TMEM117: variants seen among roughly 807,000 people sequenced by gnomAD.
The protein encoded by TMEM117 is transmembrane protein 117.
A neutral mutation model predicts 52.4 loss-of-function variants in TMEM117; 27 were observed. The ratio of observed to expected loss-of-function variants is 0.51; its 90% CI spans 0.38 to 0.71. The LOEUF is 0.71. Among genes scored for constraint, TMEM117 ranks in the 30% least tolerant of loss-of-function variants. TMEM117 has a pLI of 0.00. For missense variants in TMEM117, 556 were observed against 630.5 expected (o/e 0.88, Z 1.26); for synonymous variants, 215 against 206.3 (o/e 1.04, Z -0.36).
chr12:43,943,072 G>T (rs1215291209), intron 2 of TMEM117, among the ~76,000 whole-genome samples: 1 of 151,410 alleles, frequency 6.6e-6, no homozygotes, highest in African/African-American at 2.4e-5. Flanking sequence ...CAGTTACCTG[G>T]GAGGCTGAGG....
intron 3 of TMEM117, among the ~76,000 whole-genome samples, chr12:44,016,083 C>T (rs1246912327): frequency 2.0e-5 from 3 of 152,038 alleles, no homozygotes; most frequent in Non-Finnish European, 4.4e-5. Context: ...ATAGCACTAC[C>T]CCCTCCTCCC....
intron 3 of TMEM117, among the ~76,000 whole-genome samples, chr12:43,951,059 G>A (rs994364927): frequency 1.3e-5 from 2 of 152,148 alleles, no homozygotes; most frequent in African/African-American, 4.8e-5. Context: ...CCAGAGGAGT[G>A]GGGGGACCTC....
intron 7 of TMEM117, among the ~76,000 whole-genome samples, chr12:44,380,602 C>G (rs1952006785): frequency 1.3e-5 from 2 of 152,180 alleles, no homozygotes; most frequent in Non-Finnish European, 2.9e-5. Flanking sequence ...CCTTCAGAGA[C>G]TCAGTTTCTC....
Position 43,854,768 on chromosome 12 carries a change from C to A in TMEM117, c.277+9840C>A, listed in dbSNP as rs1215057072. The stretch of plus-strand genomic sequence containing the variant: ...TCTCCTGCCTCAGCCTCCTGAGTAG[C>A]TGGTATTACAGGTGTCCACCACCAC... On this transcript the variant is annotated intron_variant, in intron 2 of 7. Transcript: ENST00000266534. Among the ~76,000 whole-genome samples the A allele has an allele frequency of 3.9e-5, 6 of 152,008 alleles. 1 individual carries two copies. The East Asian group carries it at 1.2e-3, about 29-fold the overall frequency.
At chr12:44,308,167 TA>T (rs1171360278) in intron 6 of TMEM117, among the ~76,000 whole-genome samples, 1 of 152,192 alleles carries the variant, frequency 6.6e-6, no homozygotes, top group African/African-American at 2.4e-5. Flanking sequence ...GTCCCTGGGG[TA>T]TTCGTTTAAA....
At chr12:43,799,528 CAGTAATTCTCT>C in the TMEM117 span, 34 of 1,324,424 alleles carry the variant, frequency 2.6e-5, no homozygotes, top group Non-Finnish European at 3.4e-5. Flanking sequence ...AGACTATAAT[CAGTAATTCTCT>C]AGAAGTAAAA....
At chr12:44,216,756 G>A (rs1215993370) in intron 5 of TMEM117, among the ~76,000 whole-genome samples, 3 of 152,144 alleles carry the variant, frequency 2.0e-5, no homozygotes, top group Admixed American at 2.0e-4. Context: ...TTCATAGTGT[G>A]TTGCTGTGTG....
At chr12:43,939,524 G>C (rs1481315404) in intron 2 of TMEM117, among the ~76,000 whole-genome samples, 1 of 152,096 alleles carries the variant, frequency 6.6e-6, no homozygotes, top group African/African-American at 2.4e-5. Context: ...TTTTATAGGA[G>C]TTCCAGGGCT....
chr12:44,315,123 C>T (rs1269882900), intron 6 of TMEM117, among the ~76,000 whole-genome samples: 2 of 152,050 alleles, frequency 1.3e-5, no homozygotes, highest in Non-Finnish European at 2.9e-5. Context: ...TTTCAAATTG[C>T]ACTTTTTTGG....
At chr12:44,211,419 C>A in intron 5 of TMEM117, 32 bp downstream of exon 5, 1 of 1,493,718 alleles carries the variant, frequency 6.7e-7, no homozygotes, top group South Asian at 1.2e-5. Context: ...TTATTTCTGC[C>A]TTGCCTCATT....
intron 6 of TMEM117, among the ~76,000 whole-genome samples, chr12:44,359,526 G>A (rs563623481): frequency 2.6e-5 from 4 of 151,944 alleles, no homozygotes; most frequent in South Asian, 2.1e-4. Flanking sequence ...CTGAGTAGCC[G>A]TATAATTTTC....
chr12:44,168,625 A>AT (rs1208353810), intron 4 of TMEM117, among the ~76,000 whole-genome samples: 3 of 151,938 alleles, frequency 2.0e-5, no homozygotes, highest in Non-Finnish European at 4.4e-5. Context: ...AGCTTTTTTG[A>AT]TTTTTTCATG....
intron 6 of TMEM117, among the ~76,000 whole-genome samples, chr12:44,367,086 C>A (rs1728223653): frequency 6.6e-6 from 1 of 152,126 alleles, no homozygotes; most frequent in Non-Finnish European, 1.5e-5. Flanking sequence ...GTCCTCTGTT[C>A]TACCAAAATT....
At chr12:44,387,612 A>G (rs115455142) in intron 7 of TMEM117, among the ~76,000 whole-genome samples, 2,257 of 152,260 alleles carry the variant, frequency 0.015, 60 homozygotes, top group African/African-American at 0.052. Context: ...TTGCCCAGAC[A>G]TAATTATAAA....
At chr12:44,050,306 A>C (rs1946950234) in intron 3 of TMEM117, among the ~76,000 whole-genome samples, 2 of 152,086 alleles carry the variant, frequency 1.3e-5, no homozygotes, top group Admixed American at 1.3e-4. Flanking sequence ...CCTCCCAAGT[A>C]GCTGGGATTA....
rs527505596 is a variant in TMEM117 at position 43,882,926 on chromosome 12, C to T, written c.277+37998C>T. Among the ~76,000 whole-genome samples, 40 of 152,272 alleles carry T rather than the reference C, an allele frequency of 2.6e-4. 3 individuals carry two copies. The South Asian group carries it at 8.3e-3, about 32-fold the overall frequency. The stretch of plus-strand genomic sequence containing the variant: ...AGCATCTTTTATAATTGAAGCTCAT[C>T]TCAGTTCTGGGACTTATTTTTCTTA... On this transcript the variant is annotated intron_variant, in intron 2 of 7. Transcript: ENST00000266534.
At chr12:43,908,740 C>A (rs12299151) in intron 2 of TMEM117, among the ~76,000 whole-genome samples, 1 of 151,890 alleles carries the variant, frequency 6.6e-6, no homozygotes, top group Admixed American at 6.6e-5. Flanking sequence ...AAGATCAAAA[C>A]AGACAAAGAA....
At chr12:43,995,219 C>T (rs927254827) in intron 3 of TMEM117, among the ~76,000 whole-genome samples, 2 of 150,732 alleles carry the variant, frequency 1.3e-5, no homozygotes, top group African/African-American at 2.4e-5. Flanking sequence ...TGCAGTGAGC[C>T]GAGATTGCAC....
At chr12:44,326,922 G>A (rs886995539) in intron 6 of TMEM117, among the ~76,000 whole-genome samples, 4 of 152,160 alleles carry the variant, frequency 2.6e-5, no homozygotes, top group South Asian at 2.1e-4. Flanking sequence ...AGCCTGAGCC[G>A]TATGTTAAGC....
Sources: gnomAD v4.1 joint callset for allele counts (sites outside exome capture counted in the v4.1 genomes callset) on GRCh38, gnomAD v4.1.1 for gene constraint, MANE v1.5 for transcripts, NCBI Gene and HGNC (gene_info 2026-07-23, HGNC 2026-07-21) for gene names.